AOX1: variants seen among roughly 807,000 people sequenced by gnomAD.
The protein encoded by AOX1 is aldehyde oxidase.
A neutral mutation model predicts 169.5 loss-of-function variants in AOX1; 153 were observed. The observed-to-expected ratio is 0.90, with a 90% CI of 0.79 to 1.03. The LOEUF is 1.03. Ranked by LOEUF, AOX1 falls within the 50% of genes least tolerant of loss-of-function variation. The pLI is 0.00. For synonymous variants in AOX1, 562 were observed against 581.9 expected, an observed-to-expected ratio of 0.97 and a Z score of 0.49; for missense variants, 1,656 against 1,663.9, an observed-to-expected ratio of 1.00 and a Z score of 0.08.
Position 200,620,694 on chromosome 2 carries a change from C to A in AOX1, c.1749C>A (p.Pro583=). The part of the protein sequence containing the change: ...KQHPEDPIGH[P]IMHLSGVKHA... ...ATCCTGAAGACCCAATTGGCCACCC[C>A]ATCATGCATCTGTCTGGTGTGAAGC... The change falls in exon 17 of 35, where the codon CCC becomes CCA. Residue 583 remains proline (P), a synonymous_variant. Transcript: ENST00000374700. 6.3e-7 allele frequency: 1 copy of A among 1,580,124 alleles called. No individual in the cohort carries two copies. Among genetic ancestry groups the A allele is most frequent in the South Asian group, 1.2e-5 (1 of 81,756 alleles).
At chr2:200,593,331 G>A (rs1294507828) in intron 2 of AOX1, 128 bp downstream of exon 2, 4 of 774,334 alleles carry the variant, frequency 5.2e-6, no homozygotes, top group Non-Finnish European at 8.2e-6. Context: ...ATGGTTTTAT[G>A]CTCATATTTG....
intron 13 of AOX1, 152 bp downstream of exon 13, chr2:200,611,645 A>T (rs920716169): frequency 5.4e-5 from 32 of 596,978 alleles, no homozygotes; most frequent in Non-Finnish European, 6.9e-5. Flanking sequence ...TTATTTTAAG[A>T]CTTGTGAATA....
rs2035244310 is a variant in AOX1 at position 200,636,897 on chromosome 2, A to G, written c.2347-14A>G. 4 of 1,612,660 alleles carry G rather than the reference A, an allele frequency of 2.5e-6. No homozygotes were observed. The highest frequency in any genetic ancestry group is 3.4e-6 in the Non-Finnish European group (4 of 1,179,452). ...AAGATGGATCAGATTAATCAGAACT[A>G]TTATTGTTCACAGGACATTGTTGCC... On this transcript the variant is annotated splice_polypyrimidine_tract_variant and intron_variant, in intron 21 of 34. Coordinates refer to ENST00000374700, the MANE Select transcript of AOX1 (RefSeq NM_001159.4).
intron 8 of AOX1, among the ~76,000 whole-genome samples, 159 bp from the exon 9 acceptor site, chr2:200,604,537 T>C (rs562157910): frequency 6.6e-6 from 1 of 152,318 alleles, no homozygotes; most frequent in Admixed American, 6.5e-5. Context: ...TTATTCTGAA[T>C]TCTAATTCCT....
chr2:200,588,982 A>T (rs766693199), intron 1 of AOX1, among the ~76,000 whole-genome samples: 4 of 151,890 alleles, frequency 2.6e-5, no homozygotes, highest in Non-Finnish European at 5.9e-5. Context: ...TCCAGAGAGT[A>T]AGGGATTGTT....
chr2:200,675,409 T>A (rs944905542), downstream of AOX1, among the ~76,000 whole-genome samples: 29 of 152,224 alleles, frequency 1.9e-4, no homozygotes, highest in Non-Finnish European at 3.8e-4. Context: ...AAATGCCTAC[T>A]ATGAACTGTC....
At chr2:200,636,804 A>T (rs2035242674) in intron 21 of AOX1, 107 bp from the exon 22 acceptor site, 1 of 1,319,286 alleles carries the variant, frequency 7.6e-7, no homozygotes, top group East Asian at 2.3e-5. Flanking sequence ...ATTTCAGGGG[A>T]CAGGTTTTTT....
intron 12 of AOX1, among the ~76,000 whole-genome samples, chr2:200,609,699 G>T (rs1367992200): frequency 6.6e-6 from 1 of 152,058 alleles, no homozygotes; most frequent in East Asian, 1.9e-4. Context: ...TCTGATTATT[G>T]CTGGGAACTA....
At chr2:200,650,217 T>C (rs2035553373) in intron 25 of AOX1, among the ~76,000 whole-genome samples, 1 of 152,192 alleles carries the variant, frequency 6.6e-6, no homozygotes, top group South Asian at 2.1e-4. Flanking sequence ...CCCAGGGAAG[T>C]TAGAGCAGGG....
intron 32 of AOX1, among the ~76,000 whole-genome samples, chr2:200,667,457 C>T (rs1304582600): frequency 2.0e-5 from 3 of 147,952 alleles, no homozygotes; most frequent in South Asian, 2.2e-4. Context: ...CCCCACCCCC[C>T]GCCCCCACCA....
At chr2:200,588,726 C>CTTTTGTTTTTTTTTTTTT (rs2034096334) in intron 1 of AOX1, among the ~76,000 whole-genome samples, 2 of 53,986 alleles carry the variant, frequency 3.7e-5, no homozygotes, top group Admixed American at 2.1e-4. Context: ...CTAGAATAAG[C>CTTTTGTTTTTTTTTTTTT]TTTTTTTTTT....
chr2:200,637,842 C>G (rs1264799895), intron 22 of AOX1, among the ~76,000 whole-genome samples: 1 of 152,140 alleles, frequency 6.6e-6, no homozygotes, highest in Non-Finnish European at 1.5e-5. Context: ...TTCCAGATCT[C>G]TCCTATCAGG....
rs935948561 is a variant in AOX1, at chr2:200,666,440, AT to A, written c.3544-240del. Among the ~76,000 whole-genome samples, 5 of 152,028 alleles carry A rather than the reference AT, an allele frequency of 3.3e-5. No homozygotes were observed. The South Asian group carries it at 6.2e-4, about 19-fold the overall frequency. ...CAGCTTGAATCAAAATGAAGTAAAT[AT>A]TTTTTTCTCCTATTATTTCCAAGAA... On this transcript the variant is annotated intron_variant, in intron 31 of 34. Transcript: ENST00000374700.
chr2:200,630,210 TAAAAA>T lies in AOX1; in HGVS notation c.2221+2784_2221+2788del, dbSNP rs57410809. Among the ~76,000 whole-genome samples the T allele has an allele frequency of 3.3e-3, 314 of 95,518 alleles. 5 individuals carry two copies. Among genetic ancestry groups the T allele is most frequent in the African/African-American group, 0.014 (300 of 21,872 alleles). 62.7% of individuals were successfully genotyped at this position (95,518 alleles called of 152,430 possible). On this transcript the variant is annotated intron_variant, in intron 20 of 34. Coordinates refer to ENST00000374700, the MANE Select transcript of AOX1 (RefSeq NM_001159.4). Reference sequence around the variant, plus strand: ...TCAATGTAGCAAGACTCCTTCTATTTAAAAAAAAAAAAAAAAAAAAAAAAAAAGGA... The same window carrying T: ...TCAATGTAGCAAGACTCCTTCTATTTAAAAAAAAAAAAAAAAAAAAAAGGA...
Position 200,612,679 on chromosome 2 carries a change from TGA to T in AOX1, c.1338_1339del (p.Arg446SerfsTer11). The T allele has an allele frequency of 1.2e-6, 2 of 1,614,092 alleles. No individual in the cohort carries two copies. The highest frequency in any genetic ancestry group is 1.7e-6 in the Non-Finnish European group (2 of 1,180,000). On this transcript the variant is annotated frameshift_variant, in exon 14 of 35. Coordinates refer to ENST00000374700, the MANE Select transcript of AOX1 (RefSeq NM_001159.4). LOFTEE classifies it high-confidence loss of function. Reference sequence around the variant, plus strand: ...GCGCTAGCGATAGTCAATTCAGGAATGAGAGTCTTTTTTGGAGAAGGGGATGG... The same window carrying T: ...GCGCTAGCGATAGTCAATTCAGGAATGAGTCTTTTTTGGAGAAGGGGATGG...
intron 4 of AOX1, 119 bp downstream of exon 4, chr2:200,597,624 T>G: frequency 1.9e-6 from 1 of 531,186 alleles, no homozygotes; most frequent in Non-Finnish European, 3.2e-6. Flanking sequence ...CTCCAACAGA[T>G]ACAACCTAGC....
At chr2:200,642,220 C>T (rs1307344772) in intron 24 of AOX1, among the ~76,000 whole-genome samples, 2 of 152,112 alleles carry the variant, frequency 1.3e-5, no homozygotes, top group Non-Finnish European at 2.9e-5. Flanking sequence ...GGATTGCTCC[C>T]CATTGAGAAC....
intron 1 of AOX1, among the ~76,000 whole-genome samples, chr2:200,589,215 G>A (rs558485686): frequency 3.9e-5 from 6 of 152,246 alleles, no homozygotes; most frequent in Non-Finnish European, 5.9e-5. Flanking sequence ...CAAGGACAGC[G>A]CACGTTGGCC....
rs759566320 is a variant in AOX1, at chr2:200,593,188, T to C, written c.88T>C (p.Tyr30His). Residue 30 changes from tyrosine (Y) to histidine (H), a missense_variant, in exon 2 of 35, where the codon TAT (tyrosine) becomes CAT (histidine). By Grantham distance (83) the Tyr-to-His change is moderately conservative. Coordinates refer to ENST00000374700, the MANE Select transcript of AOX1 (RefSeq NM_001159.4). ...NVDPETMLLP[Y>H]LRKKLRLTGT... ...CGATCCTGAAACAATGCTGTTGCCT[T>C]ATTTGAGGAAGAAGCGTATCCTTTT... The C allele has an allele frequency of 6.2e-7, 1 of 1,613,718 alleles. No individual in the cohort carries two copies. The highest frequency in any genetic ancestry group is 8.5e-7 in the Non-Finnish European group (1 of 1,179,754).
Sources: gnomAD v4.1 joint callset for allele counts (sites outside exome capture counted in the v4.1 genomes callset) on GRCh38, gnomAD v4.1.1 for gene constraint, MANE v1.5 for transcripts, NCBI Gene and HGNC (gene_info 2026-07-23, HGNC 2026-07-21) for gene names.